Variants in BAZ1A observed in about 807,000 individuals in gnomAD.
BAZ1A encodes the protein bromodomain adjacent to zinc finger domain protein 1A.
Under a neutral mutation model 185.2 loss-of-function variants are expected in BAZ1A, and 50 were observed. The ratio of observed to expected loss-of-function variants is 0.27; its 90% CI spans 0.22 to 0.34. The LOEUF (loss-of-function observed/expected upper bound fraction) is 0.34, where lower values mean the gene tolerates loss of function less well. Among genes scored for constraint, BAZ1A ranks in the 10% least tolerant of loss-of-function variants. The pLI is 1.00. For synonymous variants in BAZ1A, 571 were observed against 615.6 expected, an observed-to-expected ratio of 0.93 and a Z score of 1.07; for missense variants, 1,356 against 1,839.9, an observed-to-expected ratio of 0.74 and a Z score of 4.81.
At chr14:34,844,022 G>A (rs1483680251) in intron 3 of BAZ1A, among the ~76,000 whole-genome samples, 2 of 116,356 alleles carry the variant, frequency 1.7e-5, no homozygotes, top group African/African-American at 3.3e-5. Context: ...TGGCTAACAC[G>A]GTGAAACCCC....
At chr14:34,785,124 G>A (rs1008850934) in intron 14 of BAZ1A, among the ~76,000 whole-genome samples, 1 of 152,186 alleles carries the variant, frequency 6.6e-6, no homozygotes, top group African/African-American at 2.4e-5. Context: ...CCAAGGTGCT[G>A]GGATTACAGG....
At chr14:34,854,164 C>T (rs1407770428) in intron 3 of BAZ1A, among the ~76,000 whole-genome samples, 1 of 152,184 alleles carries the variant, frequency 6.6e-6, no homozygotes, top group Non-Finnish European at 1.5e-5. Context: ...CGGTGGCTCA[C>T]ATCTGTAATT....
In BAZ1A at chr14:34,874,650, C is replaced by A; in HGVS notation, c.-46G>T. 5 of 1,500,866 alleles carry A rather than the reference C, an allele frequency of 3.3e-6. No individual in the cohort carries two copies. The highest frequency in any genetic ancestry group is 2.7e-6 in the Non-Finnish European group (3 of 1,098,204). 93.0% of individuals were successfully genotyped at this position (1,500,866 alleles called of 1,614,324 possible). ...CGCCTGGACCCTCGGCCGCCCGCGC[C>A]GGCCCCGCTTCCCTATCAAAATTGG... On this transcript the variant is annotated 5_prime_UTR_variant, in exon 2 of 27. Coordinates refer to ENST00000360310, the MANE Select transcript of BAZ1A (RefSeq NM_013448.3). The surrounding 1 kb of genome is among the most constrained non-coding windows in gnomAD (Gnocchi z 4.7).
At chr14:34,856,815 G>A (rs1452154576) in intron 3 of BAZ1A, among the ~76,000 whole-genome samples, 6 of 143,330 alleles carry the variant, frequency 4.2e-5, no homozygotes, top group East Asian at 2.1e-4. Context: ...CCAAGATTGC[G>A]TCACTGCACT....
chr14:34,868,633 T>C (rs2042899461), intron 2 of BAZ1A, among the ~76,000 whole-genome samples: 1 of 151,960 alleles, frequency 6.6e-6, no homozygotes, highest in Admixed American at 6.6e-5. Flanking sequence ...AAACTCCGTC[T>C]CTAGTAAAAA....
At chr14:34,873,805 C>G (rs1426917359) in intron 2 of BAZ1A, among the ~76,000 whole-genome samples, 1 of 152,128 alleles carries the variant, frequency 6.6e-6, no homozygotes, top group African/African-American at 2.4e-5. Context: ...GAGGCGGTGA[C>G]AGAGAGCGCG....
rs543177226 is a variant in BAZ1A at position 34,771,554 on chromosome 14, T to C, written c.3258A>G (p.Gln1086=). ...AACGCCGCTCAATGCCCTGCTCTATTTGAAAGAGTGCCATTGCCAGATAAT... is the reference window on the plus strand; with the variant it reads ...AACGCCGCTCAATGCCCTGCTCTATCTGAAAGAGTGCCATTGCCAGATAAT... ...VVHYLAMALF[Q]IEQGIERRFL... The change falls in exon 21 of 27, where the codon CAA becomes CAG. Residue 1086 remains glutamine (Q), a synonymous_variant. Transcript: ENST00000360310. 2.3e-5 allele frequency: 37 copies of C among 1,614,098 alleles called. No individual in the cohort carries two copies. In the Middle Eastern group the frequency reaches 8.2e-4, roughly 36 times the overall value.
At chr14:34,851,038 A>T (rs910104466) in intron 3 of BAZ1A, among the ~76,000 whole-genome samples, 4 of 152,174 alleles carry the variant, frequency 2.6e-5, no homozygotes, top group Non-Finnish European at 4.4e-5. Flanking sequence ...GCTTGTAAAA[A>T]GGTCCGAAAA....
chr14:34,871,560 G>A (rs2042948556), intron 2 of BAZ1A, among the ~76,000 whole-genome samples: 1 of 152,240 alleles, frequency 6.6e-6, no homozygotes, highest in African/African-American at 2.4e-5. Context: ...AAAGAGTTCA[G>A]GTTCTTGGAG....
intron 24 of BAZ1A, among the ~76,000 whole-genome samples, chr14:34,759,184 T>TGTTTTTTTTTTTTTG (rs1555336964): frequency 5.6e-5 from 6 of 108,108 alleles, no homozygotes; most frequent in South Asian, 3.7e-4. Flanking sequence ...TTTTTTTTTT[T>TGTTTTTTTTTTTTTG]TTTTTTTTTT....
chr14:34,823,446 G>A lies in BAZ1A; in HGVS notation c.536+2567C>T, dbSNP rs140053812. Among the ~76,000 whole-genome samples the A allele has an allele frequency of 6.1e-3, 933 of 152,040 alleles. 16 individuals are homozygous for A. Among genetic ancestry groups the A allele is most frequent in the African/African-American group, 0.022 (901 of 41,462 alleles). On this transcript the variant is annotated intron_variant, in intron 4 of 26. Coordinates refer to ENST00000360310, the MANE Select transcript of BAZ1A (RefSeq NM_013448.3). ...AGGCCAAGGTGGGTGGATCACTTGA[G>A]GTCAGGAGTTCGAGACCAGCCTGGC... is the stretch of plus-strand genomic sequence containing the variant.
intron 3 of BAZ1A, among the ~76,000 whole-genome samples, chr14:34,839,839 CAAAA>C (rs60954768): frequency 9.4e-5 from 10 of 106,670 alleles, no homozygotes; most frequent in Non-Finnish European, 1.5e-4. Flanking sequence ...GCCTCTGTTT[CAAAA>C]AAAAAAAAAA....
rs180721416 is a variant in BAZ1A at position 34,793,127 on chromosome 14, C to T, written c.1364-206G>A. On this transcript the variant is annotated intron_variant, in intron 11 of 26. Transcript: ENST00000360310. The stretch of plus-strand genomic sequence containing the variant: ...ATACAATAAAATCGTAAGCCAAAGT[C>T]ACCTCATTCAAGTAAGTCAAAATAG... 9.2e-5 allele frequency among the ~76,000 whole-genome samples: 14 copies of T among 152,264 alleles called. No homozygotes were observed. The East Asian group carries it at 2.5e-3, about 27-fold the overall frequency.
chr14:34,798,366 G>A (rs1300394615), intron 9 of BAZ1A, among the ~76,000 whole-genome samples: 2 of 152,226 alleles, frequency 1.3e-5, no homozygotes, highest in Non-Finnish European at 2.9e-5. Flanking sequence ...CAGAGAGACT[G>A]TCTCCTCAAG....
intron 3 of BAZ1A, among the ~76,000 whole-genome samples, chr14:34,844,181 G>A (rs1261032785): frequency 7.0e-6 from 1 of 142,972 alleles, no homozygotes; most frequent in Non-Finnish European, 1.5e-5. Context: ...ACTCCAGCCT[G>A]GGCGACAGAG....
At chr14:34,857,792 C>T (rs747757611) in intron 3 of BAZ1A, among the ~76,000 whole-genome samples, 2 of 152,134 alleles carry the variant, frequency 1.3e-5, no homozygotes, top group Admixed American at 1.3e-4. Context: ...CCACTTCAGG[C>T]CTCTCCCTCT....
rs141839031 is a variant in BAZ1A at position 34,772,075 on chromosome 14, C to T, written c.3153-416G>A. 1.3e-3 allele frequency among the ~76,000 whole-genome samples: 192 copies of T among 152,148 alleles called. 7 individuals are homozygous for T. The East Asian group carries it at 0.034, about 27-fold the overall frequency. On this transcript the variant is annotated intron_variant, in intron 20 of 26. Transcript: ENST00000360310. Reference sequence around the variant, plus strand: ...GTTCACACCATTCTCCTGCCTCAGTCTCCTGAGTAGCTGGGACTACAGGTG... The same window carrying T: ...GTTCACACCATTCTCCTGCCTCAGTTTCCTGAGTAGCTGGGACTACAGGTG...
intron 20 of BAZ1A, among the ~76,000 whole-genome samples, chr14:34,772,456 T>C (rs1879288382): frequency 1.3e-5 from 2 of 152,178 alleles, no homozygotes; most frequent in African/African-American, 4.8e-5. Context: ...CTTCTATCAG[T>C]ACCCCATTCT....
At chr14:34,837,921 C>G (rs2042354312) in intron 3 of BAZ1A, among the ~76,000 whole-genome samples, 1 of 152,166 alleles carries the variant, frequency 6.6e-6, no homozygotes, top group Non-Finnish European at 1.5e-5. Flanking sequence ...GACAAGTGAT[C>G]TTTTGTTTCA....
Sources: allele counts gnomAD v4.1 joint callset (sites outside exome capture counted in the v4.1 genomes callset), GRCh38; gene constraint gnomAD v4.1.1; non-coding constraint Gnocchi (gnomAD v3.1); transcripts MANE v1.5; gene names NCBI Gene and HGNC (gene_info 2026-07-23, HGNC 2026-07-21).